Variants in MTMR10 observed in about 807,000 individuals in gnomAD.
The protein encoded by MTMR10 is myotubularin-related protein 10.
Under a neutral mutation model 88.1 loss-of-function variants are expected in MTMR10, and 56 were observed. The ratio of observed to expected loss-of-function variants is 0.64; its 90% CI spans 0.51 to 0.79. The LOEUF is 0.79. MTMR10 is among the 30% of genes least tolerant of loss of function. MTMR10 has a pLI of 0.00. For missense variants in MTMR10, 883 were observed against 924.7 expected (o/e 0.95, Z 0.58); for synonymous variants, 380 against 340.9 (o/e 1.11, Z -1.26).
At chr15:30,947,072 T>G in intron 14 of MTMR10, 58 bp downstream of exon 14, 4 of 1,510,942 alleles carry the variant, frequency 2.6e-6, no homozygotes, top group Non-Finnish European at 3.6e-6. Context: ...ACTTCAATTA[T>G]GCCTCGATAA....
chr15:30,945,381 T>C (rs140437738), intron 14 of MTMR10, among the ~76,000 whole-genome samples: 1 of 152,266 alleles, frequency 6.6e-6, no homozygotes, highest in East Asian at 1.9e-4. Flanking sequence ...AATTCAGTAA[T>C]GTTCATTCCT....
chr15:30,923,498 G>A, the MTMR10 span, among the ~76,000 whole-genome samples: 2 of 152,332 alleles, frequency 1.3e-5, no homozygotes, highest in South Asian at 4.1e-4. Context: ...TCTGTTTCCA[G>A]AGGTCTTACT....
the MTMR10 span, chr15:30,927,796 G>T: frequency 4.1e-6 from 4 of 985,762 alleles, no homozygotes; most frequent in Non-Finnish European, 4.8e-6. Flanking sequence ...GGATGAGCTG[G>T]GGCTTGCTCA....
chr15:30,931,921 GAAAA>G, the MTMR10 span, among the ~76,000 whole-genome samples: 1 of 147,390 alleles, frequency 6.8e-6, no homozygotes, highest in Non-Finnish European at 1.5e-5. Flanking sequence ...AAGTTTCCAA[GAAAA>G]AAAAAAGCCA....
Position 30,941,590 on chromosome 15 carries a change from T to C in MTMR10, c.2214A>G (p.Ser738=), listed in dbSNP as rs1488628838. Residue 738 remains serine, a synonymous_variant, in exon 16 of 16, where the codon TCA becomes TCG. Coordinates refer to ENST00000435680, the MANE Select transcript of MTMR10 (RefSeq NM_017762.3). ...GATTCCCTACAGGAGAAAATGGAAA[T>C]GAGGAGGAGAGAAACTCCGGTGTCC... is the stretch of plus-strand genomic sequence containing the variant. ...TSGTPEFLSS[S]FPFSPVGNLC... is the part of the protein sequence containing the mutation. 3 of 1,599,820 alleles carry C rather than the reference T, an allele frequency of 1.9e-6. No homozygotes were observed. The highest frequency in any genetic ancestry group is 2.6e-6 in the Non-Finnish European group (3 of 1,172,756).
chr15:30,978,247 T>A (rs537892178), intron 2 of MTMR10, among the ~76,000 whole-genome samples: 1 of 152,342 alleles, frequency 6.6e-6, no homozygotes, highest in African/African-American at 2.4e-5. Flanking sequence ...TATTTATATA[T>A]TTTTAAATTA....
chr15:30,982,775 T>G (rs1407725033), intron 2 of MTMR10, among the ~76,000 whole-genome samples: 2 of 152,196 alleles, frequency 1.3e-5, no homozygotes, highest in African/African-American at 4.8e-5. Flanking sequence ...AATATTTGGA[T>G]CATGTAGCAC....
At chr15:30,965,725 A>T in intron 6 of MTMR10, 1 of 261,286 alleles carries the variant, frequency 3.8e-6, no homozygotes, top group South Asian at 4.3e-5. Context: ...TGACTGCAGG[A>T]CCTTTCAGAG....
At chr15:30,920,672 G>GC in the MTMR10 span, 26 of 1,422,272 alleles carry the variant, frequency 1.8e-5, no homozygotes, top group Non-Finnish European at 2.4e-5. Flanking sequence ...ACAGGTCCCT[G>GC]CCCCCCACCA....
chr15:30,981,555 C>A (rs901808642), intron 2 of MTMR10, among the ~76,000 whole-genome samples: 1 of 152,246 alleles, frequency 6.6e-6, no homozygotes, highest in African/African-American at 2.4e-5. Context: ...GAATAATAAT[C>A]TTCCAAAGCG....
At chr15:30,975,686 G>A (rs2030076630) in intron 3 of MTMR10, among the ~76,000 whole-genome samples, 1 of 152,134 alleles carries the variant, frequency 6.6e-6, no homozygotes, top group South Asian at 2.1e-4. Context: ...ACATAAGACT[G>A]TAATGAACAC....
At chr15:30,926,035 G>A in the MTMR10 span, 1 of 1,258,768 alleles carries the variant, frequency 7.9e-7, no homozygotes, top group Non-Finnish European at 1.1e-6. Flanking sequence ...TCCTCTCTCT[G>A]TCCTCTGCTC....
chr15:30,926,487 C>T, the MTMR10 span: 3 of 289,834 alleles, frequency 1.0e-5, no homozygotes, highest in African/African-American at 4.6e-5. Flanking sequence ...CAGTATTCCC[C>T]GAGTGTTCGG....
the MTMR10 span, among the ~76,000 whole-genome samples, chr15:30,924,039 T>G: frequency 6.6e-6 from 1 of 152,280 alleles, no homozygotes; most frequent in Non-Finnish European, 1.5e-5. Context: ...TCATCTACTT[T>G]TTGTGTCTGT....
At chr15:30,981,779 T>C (rs534197983) in intron 2 of MTMR10, among the ~76,000 whole-genome samples, 2 of 152,302 alleles carry the variant, frequency 1.3e-5, no homozygotes, top group Admixed American at 1.3e-4. Flanking sequence ...TATGTATTAT[T>C]TGAGGCAAAA....
chr15:30,929,939 T>TATATAATATATATCATATAATATATAAA, the MTMR10 span, among the ~76,000 whole-genome samples: 3 of 98,816 alleles, frequency 3.0e-5, no homozygotes, highest in African/African-American at 1.6e-4. Context: ...ATATATAAAA[T>TATATAATATATATCATATAATATATAAA]ATATAATATA....
In MTMR10 at chr15:30,941,017, C is replaced by T. The variant is rs2955792; in HGVS notation, c.*453G>A. ...TTCATCAGGTGAGTTCAATTAGAGA[C>T]GACAGAAAGTAACCAGAAAAATACA... is the stretch of plus-strand genomic sequence containing the variant. On this transcript the variant is annotated 3_prime_UTR_variant, in exon 16 of 16. Coordinates refer to ENST00000435680, the MANE Select transcript of MTMR10 (RefSeq NM_017762.3). 1,022,541 of 1,166,898 alleles carry T rather than the reference C, an allele frequency of 0.88. 448,231 individuals are homozygous for T. Among genetic ancestry groups the T allele is most frequent in the East Asian group, 0.99 (15,666 of 15,826 alleles). 72.3% of individuals were successfully genotyped at this position (1,166,898 alleles called of 1,614,324 possible).
Position 30,939,593 on chromosome 15 carries a change from A to C in MTMR10, c.*1877T>G, listed in dbSNP as rs1430394640. The C allele has an allele frequency of 1.1e-6, 1 of 939,258 alleles. No homozygotes were observed. Among genetic ancestry groups the C allele is most frequent in the African/African-American group, 1.8e-5 (1 of 56,364 alleles). The allele number at this position is 939,258 out of a possible 1,614,324, so 58.2% of individuals were successfully genotyped here. A position where few individuals can be genotyped will look rare whatever the true frequency, so the allele number is the denominator to read the frequency against. The stretch of plus-strand genomic sequence containing the variant: ...AATATGCATTTTTCTATTTTTAACC[A>C]TTATTAATAGTACCTAATATTTTTA... On this transcript the variant is annotated 3_prime_UTR_variant, in exon 16 of 16. Coordinates refer to ENST00000435680, the MANE Select transcript of MTMR10 (RefSeq NM_017762.3).
At chr15:30,960,223 G>A (rs2063382946) in intron 7 of MTMR10, among the ~76,000 whole-genome samples, 1 of 152,134 alleles carries the variant, frequency 6.6e-6, no homozygotes, top group African/African-American at 2.4e-5. Flanking sequence ...TTACTGGGTG[G>A]ATCAGGTTGA....
Sources: allele counts gnomAD v4.1 joint callset (sites outside exome capture counted in the v4.1 genomes callset), GRCh38; gene constraint gnomAD v4.1.1; transcripts MANE v1.5; gene names NCBI Gene and HGNC (gene_info 2026-07-23, HGNC 2026-07-21).